INPP4A: variants seen among roughly 807,000 people sequenced by gnomAD.
INPP4A encodes the protein inositol polyphosphate-4-phosphatase type I A.
A neutral mutation model predicts 119.8 loss-of-function variants in INPP4A; 33 were observed. That is an observed-to-expected ratio of 0.28 (90% CI 0.21 to 0.37). The LOEUF is 0.37. INPP4A is among the 10% of genes least tolerant of loss of function. The pLI is 1.00. For missense variants in INPP4A, 956 were observed against 1,289.9 expected (o/e 0.74, Z 3.97); for synonymous variants, 496 against 500.7 (o/e 0.99, Z 0.12).
intron 17 of INPP4A, 131 bp from the exon 18 acceptor site, chr2:98,563,334 C>A: frequency 1.2e-6 from 1 of 865,482 alleles, no homozygotes; most frequent in African/African-American, 1.7e-5. Context: ...CCAGACAGAG[C>A]TGGAAGATGA....
At chr2:98,584,229 C>T (rs570123214) in intron 24 of INPP4A, among the ~76,000 whole-genome samples, 43 of 152,238 alleles carry the variant, frequency 2.8e-4, no homozygotes, top group Non-Finnish European at 6.2e-4. Context: ...CAACTAAGAC[C>T]ATCTTGTTTG....
intron 5 of INPP4A, among the ~76,000 whole-genome samples, chr2:98,534,506 A>G (rs910039709): frequency 3.9e-5 from 6 of 152,182 alleles, no homozygotes; most frequent in African/African-American, 1.4e-4. Flanking sequence ...ATTTCTTACA[A>G]GCTCCCAAGT....
intron 1 of INPP4A, among the ~76,000 whole-genome samples, chr2:98,462,229 A>T (rs1206174706): frequency 6.6e-6 from 1 of 152,152 alleles, no homozygotes; most frequent in Non-Finnish European, 1.5e-5. Context: ...TGGGCGGATC[A>T]TGAGGTCAGG....
chr2:98,492,174 C>T (rs1183650444), intron 1 of INPP4A, among the ~76,000 whole-genome samples: 3 of 152,130 alleles, frequency 2.0e-5, no homozygotes, highest in Admixed American at 2.0e-4. Flanking sequence ...CCGGTGTGAG[C>T]CACCGACAAC....
chr2:98,460,503 C>T (rs1044978278), intron 1 of INPP4A, among the ~76,000 whole-genome samples: 5 of 152,202 alleles, frequency 3.3e-5, no homozygotes, highest in African/African-American at 1.2e-4. Context: ...TTTTTTAAGA[C>T]TCTTTCATTC....
intron 1 of INPP4A, among the ~76,000 whole-genome samples, chr2:98,503,841 G>C (rs1043013743): frequency 2.6e-5 from 4 of 152,316 alleles, no homozygotes; most frequent in Admixed American, 6.5e-5. Flanking sequence ...CTATTAGCCT[G>C]ATCTTTGCTG....
intron 4 of INPP4A, among the ~76,000 whole-genome samples, chr2:98,528,147 A>C (rs1688512747): frequency 6.6e-6 from 1 of 152,246 alleles, no homozygotes; most frequent in South Asian, 2.1e-4. Context: ...TGTCTAAAGA[A>C]CTGAGGAAAG....
At chr2:98,523,351 G>C (rs1003937344) in intron 4 of INPP4A, among the ~76,000 whole-genome samples, 3 of 151,952 alleles carry the variant, frequency 2.0e-5, no homozygotes, top group African/African-American at 7.3e-5. Flanking sequence ...TTTATATAAA[G>C]TGAATTTTAC....
intron 1 of INPP4A, among the ~76,000 whole-genome samples, chr2:98,460,849 GAGA>G (rs1265145474): frequency 6.6e-6 from 1 of 152,204 alleles, no homozygotes; most frequent in East Asian, 1.9e-4. Flanking sequence ...CCCAGCATTG[GAGA>G]AGAATCGTCT....
intron 1 of INPP4A, among the ~76,000 whole-genome samples, chr2:98,485,827 C>T (rs1025077349): frequency 3.3e-5 from 5 of 152,136 alleles, no homozygotes; most frequent in South Asian, 2.1e-4. Flanking sequence ...TTTGAAATAT[C>T]GTGTCTAAAG....
chr2:98,505,548 C>A lies in INPP4A; in HGVS notation c.-165-13416C>A, dbSNP rs535342546. 1.6e-4 allele frequency among the ~76,000 whole-genome samples: 24 copies of A among 152,326 alleles called. No individual in the cohort carries two copies. The South Asian group carries it at 5.0e-3, about 32-fold the overall frequency. ...TGTCACCAGAGAGAATTGGAGACAG[C>A]GGTGACTGTTTCTCAAAACAGCTTG... On this transcript the variant is annotated intron_variant, in intron 1 of 24. Coordinates refer to ENST00000409851, the MANE Select transcript of INPP4A (RefSeq NM_001134225.2).
intron 1 of INPP4A, among the ~76,000 whole-genome samples, chr2:98,480,414 T>A (rs1678173359): frequency 6.6e-6 from 1 of 152,154 alleles, no homozygotes; most frequent in Non-Finnish European, 1.5e-5. Context: ...AGAGGTGGAG[T>A]GACTTACCAG....
At chr2:98,451,718 C>G (rs991749654) in intron 1 of INPP4A, among the ~76,000 whole-genome samples, 1 of 152,176 alleles carries the variant, frequency 6.6e-6, no homozygotes, top group African/African-American at 2.4e-5. Context: ...CTTTCCCTCT[C>G]TCATGTTGCT....
At chr2:98,541,092 C>T (rs1243441493) in intron 10 of INPP4A, among the ~76,000 whole-genome samples, 2 of 152,188 alleles carry the variant, frequency 1.3e-5, no homozygotes, top group Non-Finnish European at 2.9e-5. Flanking sequence ...CTTTGGGAGG[C>T]TGAGGCAGGT....
At chr2:98,444,602 A>C (rs1693843723), upstream of INPP4A, among the ~76,000 whole-genome samples, 1 of 152,246 alleles carries the variant, frequency 6.6e-6, no homozygotes, top group South Asian at 2.1e-4. Context: ...AGTGGATGAC[A>C]GGGTGAAGAT....
In INPP4A at chr2:98,523,520, G is replaced by A. The variant is rs568950659; in HGVS notation, c.151+2789G>A. Among the ~76,000 whole-genome samples, 7 of 151,310 alleles carry A rather than the reference G, an allele frequency of 4.6e-5. No homozygotes were observed. The East Asian group carries it at 1.2e-3, about 25-fold the overall frequency. On this transcript the variant is annotated intron_variant, in intron 4 of 24. Transcript: ENST00000409851. ...TGTCATTCTCCTGCCTCAGCCTCCC[G>A]AGTAGTTGGGACTACAGGCACCCAC...
chr2:98,453,407 CG>C (rs1695556148), intron 1 of INPP4A, among the ~76,000 whole-genome samples: 1 of 152,194 alleles, frequency 6.6e-6, no homozygotes, highest in Non-Finnish European at 1.5e-5. Context: ...TATCCAAGTA[CG>C]TTTCCTATGG....
chr2:98,566,091 T>G lies in INPP4A; in HGVS notation c.2342T>G (p.Ile781Ser). ...GPLFDALPRE[I>S]QSGMLLRVQP... ...CTGTTTGACGCCTTGCCCCGGGAGA[T>G]CCAGAGTGGCATGCTGCTGCGAGTG... The change falls in exon 21 of 25, where the codon ATC (isoleucine) becomes AGC (serine). Residue 781 changes from isoleucine to serine, a missense_variant. Ile to Ser is a moderately radical substitution (Grantham distance 142). Coordinates refer to ENST00000409851, the MANE Select transcript of INPP4A (RefSeq NM_001134225.2). This position sits in a 1 kb window ranked among gnomAD's most constrained non-coding sequence, Gnocchi z 4.2. The G allele has an allele frequency of 6.2e-7, 1 of 1,601,868 alleles. No individual in the cohort carries two copies. Among genetic ancestry groups the G allele is most frequent in the Non-Finnish European group, 8.5e-7 (1 of 1,174,788 alleles).
At chr2:98,561,810 A>G (rs1695525100) in intron 17 of INPP4A, among the ~76,000 whole-genome samples, 2 of 152,268 alleles carry the variant, frequency 1.3e-5, no homozygotes, top group African/African-American at 4.8e-5. Flanking sequence ...TTCTTAGAGA[A>G]GGATAGTCTT....
Sources: gnomAD v4.1 joint callset for allele counts (sites outside exome capture counted in the v4.1 genomes callset) on GRCh38, gnomAD v4.1.1 for gene constraint, Gnocchi (gnomAD v3.1) non-coding constraint, MANE v1.5 for transcripts, NCBI Gene and HGNC (gene_info 2026-07-23, HGNC 2026-07-21) for gene names.